The following SEPTIN10 variants were observed in gnomAD, a reference collection of about 807,000 sequenced individuals.
SEPTIN10 encodes the protein septin-10.
A neutral mutation model predicts 54.8 loss-of-function variants in SEPTIN10; 66 were observed. The observed-to-expected ratio is 1.21, with a 90% confidence interval of 0.99 to 1.48. The LOEUF (loss-of-function observed/expected upper bound fraction) is 1.48, where lower values mean the gene tolerates loss of function less well. SEPTIN10 is among the 40% of genes most tolerant of loss of function. SEPTIN10 has a pLI of 0.00. For missense variants in SEPTIN10, 620 were observed against 545.6 expected (o/e 1.14, Z -1.36); for synonymous variants, 161 against 181.0 (o/e 0.89, Z 0.89).
chr2:109,582,075 GACACACACACAC>G lies in SEPTIN10; in HGVS notation c.413+3039_413+3050del, dbSNP rs55880328. On this transcript the variant is annotated intron_variant, in intron 4 of 10. Transcript: ENST00000397712. ...CAAGAACACAATGCCATGTACAACAGACACACACACACACACACACACACACACACACACACA... is the reference window on the plus strand; with the variant it reads ...CAAGAACACAATGCCATGTACAACAGACACACACACACACACACACACACA... Among the ~76,000 whole-genome samples, 1,371 of 143,858 alleles carry G rather than the reference GACACACACACAC, an allele frequency of 9.5e-3. 10 individuals carry two copies. Among genetic ancestry groups the G allele is most frequent in the African/African-American group, 0.023 (935 of 39,828 alleles). 94.4% of individuals were successfully genotyped at this position (143,858 alleles called of 152,430 possible).
At chr2:109,554,833 C>A (rs953907649) in intron 8 of SEPTIN10, among the ~76,000 whole-genome samples, 1 of 152,086 alleles carries the variant, frequency 6.6e-6, no homozygotes, top group African/African-American at 2.4e-5. Context: ...ATGAAGCCAC[C>A]CGTGTTAGTG....
chr2:109,576,149 T>C (rs1050903030), intron 4 of SEPTIN10, among the ~76,000 whole-genome samples: 9 of 152,194 alleles, frequency 5.9e-5, no homozygotes, highest in Admixed American at 3.9e-4. Context: ...TAGTCCTAGC[T>C]ACTTGAGAGG....
At chr2:109,568,875 T>C (rs1181811121) in intron 5 of SEPTIN10, among the ~76,000 whole-genome samples, 3 of 152,136 alleles carry the variant, frequency 2.0e-5, no homozygotes, top group African/African-American at 7.2e-5. Context: ...ATCTTAAAAG[T>C]GTTCATGATG....
intron 1 of SEPTIN10, among the ~76,000 whole-genome samples, chr2:109,603,605 G>A (rs190173535): frequency 8.5e-5 from 13 of 152,228 alleles, no homozygotes; most frequent in Admixed American, 5.9e-4. Flanking sequence ...ATTGTGGATC[G>A]AAGCTGTATA....
At chr2:109,582,985 A>C (rs111595475) in intron 4 of SEPTIN10, among the ~76,000 whole-genome samples, 2,527 of 152,318 alleles carry the variant, frequency 0.017, 68 homozygotes, top group African/African-American at 0.057. Flanking sequence ...ATGCAGAAGA[A>C]TGAAACTGGA....
intron 6 of SEPTIN10, 50 bp from the exon 7 acceptor site, chr2:109,565,909 TAGATA>T (rs1686899252): frequency 1.4e-6 from 2 of 1,431,506 alleles, no homozygotes; most frequent in Non-Finnish European, 9.9e-7. Context: ...GATAACTGAC[TAGATA>T]AAATAAATTT....
In SEPTIN10 at chr2:109,595,280, G is replaced by A. The variant is rs117888476; in HGVS notation, c.31-2161C>T. Among the ~76,000 whole-genome samples, 164 of 152,324 alleles carry A rather than the reference G, an allele frequency of 1.1e-3. 2 individuals carry two copies. The East Asian group carries it at 0.019, about 18-fold the overall frequency. On this transcript the variant is annotated intron_variant, in intron 1 of 10. Transcript: ENST00000397712. ...TTAAAAGCACGCAAAAGCTCAGTGA[G>A]GGACACAACGGTTCTGATTGTGTTT...
chr2:109,574,257 C>G (rs1191647891), intron 5 of SEPTIN10, among the ~76,000 whole-genome samples: 1 of 151,032 alleles, frequency 6.6e-6, no homozygotes, highest in Admixed American at 6.6e-5. Context: ...GGGCAACATA[C>G]CAAGACATCC....
intron 4 of SEPTIN10, among the ~76,000 whole-genome samples, chr2:109,576,501 C>T (rs991566246): frequency 1.3e-5 from 2 of 152,074 alleles, no homozygotes; most frequent in Non-Finnish European, 2.9e-5. Flanking sequence ...ATTATTATAA[C>T]AACAGTTAAG....
chr2:109,553,131 G>A lies in SEPTIN10; in HGVS notation c.1117C>T (p.Arg373Ter), dbSNP rs771261282. 1.3e-5 allele frequency: 21 copies of A among 1,613,428 alleles called. No homozygotes were observed. The highest frequency in any genetic ancestry group is 5.0e-5 in the Admixed American group (3 of 59,998). Residue 373 changes from arginine to a stop codon, truncating the protein, a stop_gained, in exon 9 of 11, where the codon CGA (arginine) becomes TGA (stop). Coordinates refer to ENST00000397712, the MANE Select transcript of SEPTIN10 (RefSeq NM_144710.5). LOFTEE classifies it high-confidence loss of function. ...AATATGGCTTCTTTCTCCTTTACTC[G>A]CTGCACAAACATCTGTTTCATTTCT... ...EEEMKQMFVQ[R>*]VKEKEAILKE...
At chr2:109,557,075 A>T (rs1573448308) in intron 8 of SEPTIN10, among the ~76,000 whole-genome samples, 1 of 152,266 alleles carries the variant, frequency 6.6e-6, no homozygotes, top group South Asian at 2.1e-4. Flanking sequence ...AATGTAAATG[A>T]TGAGTTAATG....
At chr2:109,609,262 A>G (rs1698697777) in intron 1 of SEPTIN10, among the ~76,000 whole-genome samples, 1 of 152,214 alleles carries the variant, frequency 6.6e-6, no homozygotes, top group African/African-American at 2.4e-5. Context: ...AAAATTGTCC[A>G]AGATAACATA....
At chr2:109,594,125 AC>A (rs1382271287) in intron 1 of SEPTIN10, among the ~76,000 whole-genome samples, 1 of 152,186 alleles carries the variant, frequency 6.6e-6, no homozygotes, top group East Asian at 1.9e-4. Flanking sequence ...ATGGATATTC[AC>A]TGTTCGCAAC....
chr2:109,569,409 G>A (rs976572265), intron 5 of SEPTIN10, among the ~76,000 whole-genome samples: 1 of 145,086 alleles, frequency 6.9e-6, no homozygotes, highest in African/African-American at 2.6e-5. Context: ...CCACACTTCA[G>A]CCTGGGCAAC....
chr2:109,553,706 TAGTC>T (rs955673327), intron 8 of SEPTIN10, among the ~76,000 whole-genome samples: 71 of 151,730 alleles, frequency 4.7e-4, no homozygotes, highest in African/African-American at 1.6e-3. Context: ...TACAAAAAAT[TAGTC>T]AGGCATGGTG....
intron 8 of SEPTIN10, among the ~76,000 whole-genome samples, chr2:109,559,438 T>C (rs752007168): frequency 1.3e-5 from 2 of 152,144 alleles, no homozygotes; most frequent in Non-Finnish European, 2.9e-5. Context: ...CAGCCACTGC[T>C]CCCACCCAGT....
chr2:109,604,464 G>A (rs1172686694), intron 1 of SEPTIN10, among the ~76,000 whole-genome samples: 1 of 149,600 alleles, frequency 6.7e-6, no homozygotes, highest in Non-Finnish European at 1.5e-5. Flanking sequence ...TGGTGGCTGA[G>A]GCCTGTAATC....
chr2:109,605,443 C>G (rs1252594675), intron 1 of SEPTIN10: 1 of 152,044 alleles, frequency 6.6e-6, no homozygotes, highest in Non-Finnish European at 1.5e-5. Flanking sequence ...GCACTCTACT[C>G]TGAGCGACAA....
At chr2:109,608,556 C>T (rs945091100) in intron 1 of SEPTIN10, among the ~76,000 whole-genome samples, 5 of 152,138 alleles carry the variant, frequency 3.3e-5, no homozygotes, top group Non-Finnish European at 7.3e-5. Context: ...GCTGGGGAGC[C>T]CATCCTACCT....
Sources: allele counts gnomAD v4.1 joint callset (sites outside exome capture counted in the v4.1 genomes callset), GRCh38; gene constraint gnomAD v4.1.1; transcripts MANE v1.5; gene names NCBI Gene and HGNC (gene_info 2026-07-23, HGNC 2026-07-21).